The following DMD variants were observed in gnomAD, a reference collection of about 807,000 sequenced individuals.
The protein encoded by DMD is dystrophin.
In DMD, 63 loss-of-function variants were observed where a neutral mutation model predicts 330.1. The ratio of observed to expected loss-of-function variants is 0.19; its 90% CI spans 0.16 to 0.24. The LOEUF (loss-of-function observed/expected upper bound fraction) is 0.24, where lower values mean the gene tolerates loss of function less well. Among genes scored for constraint, DMD ranks in the 10% least tolerant of loss-of-function variants. DMD has a pLI of 1.00. For missense variants in DMD, 3,344 were observed against 2,684.1 expected (o/e 1.25, Z -5.43); for synonymous variants, 1,223 against 959.8 (o/e 1.27, Z -5.07).
chrX:33,133,774 A>G (rs1000834779), intron 1 of DMD, among the ~76,000 whole-genome samples: 8 of 112,056 alleles, frequency 7.1e-5, no homozygotes, highest in Non-Finnish European at 1.1e-4. Context: ...AGTTTCTACA[A>G]TCTCATCACT....
intron 7 of DMD, among the ~76,000 whole-genome samples, chrX:32,756,781 A>G (rs1334041060): frequency 8.9e-6 from 1 of 111,993 alleles, no homozygotes; most frequent in Non-Finnish European, 1.9e-5. Context: ...ACAATCAAGT[A>G]TATATCAAAC....
intron 11 of DMD, among the ~76,000 whole-genome samples, chrX:32,636,200 T>C (rs1797615859): frequency 1.8e-5 from 2 of 112,234 alleles, no homozygotes; most frequent in South Asian, 7.4e-4. Context: ...CAACACGAAG[T>C]ATGCTGACAT....
chrX:31,169,095 A>T (rs776792098), intron 74 of DMD, among the ~76,000 whole-genome samples: 10 of 111,697 alleles, frequency 9.0e-5, no homozygotes, highest in African/African-American at 3.2e-4. Context: ...AAACACATGT[A>T]AAAAAAATCA....
At chrX:32,692,962 G>C (rs1042713990) in intron 9 of DMD, among the ~76,000 whole-genome samples, 1 of 111,981 alleles carries the variant, frequency 8.9e-6, no homozygotes, top group African/African-American at 3.3e-5. Context: ...GTTAGAAACA[G>C]TTTCAATAAT....
rs1329990023 is a variant in DMD, at chrX:32,517,008, TAG to T, written c.2292+998_2292+999del. On this transcript the variant is annotated intron_variant, in intron 18 of 78. Transcript: ENST00000357033. The stretch of plus-strand genomic sequence containing the variant: ...TCCCTTTTTCAAGCAGCCTAAAAAA[TAG>T]ATTTTTTTTCCAGAATATATATATA... The T allele has an allele frequency of 1.2e-4, 13 of 111,378 alleles. No homozygotes were observed. The Admixed American group carries it at 1.2e-3, about 11-fold the overall frequency. The allele number at this position is 111,378 out of a possible 1,213,427, so 9.2% of individuals were successfully genotyped here.
At chrX:32,833,400 G>A (rs2079315887) in intron 4 of DMD, among the ~76,000 whole-genome samples, 1 of 110,192 alleles carries the variant, frequency 9.1e-6, no homozygotes, top group Admixed American at 9.8e-5. Context: ...CTGGTTGAAC[G>A]TATTAATAAA....
At chrX:32,006,546 G>A (rs1029557916) in intron 44 of DMD, among the ~76,000 whole-genome samples, 1 of 111,367 alleles carries the variant, frequency 9.0e-6, no homozygotes. Context: ...ATTTATAACC[G>A]TGAATACTTT....
At chrX:33,262,995 A>G (rs1223268909) in intron 1 of DMD, among the ~76,000 whole-genome samples, 3 of 110,787 alleles carry the variant, frequency 2.7e-5, no homozygotes, top group African/African-American at 9.8e-5. Context: ...ATACTCATCA[A>G]ATTGATAAAA....
intron 67 of DMD, among the ~76,000 whole-genome samples, chrX:31,186,260 C>T (rs1457847280): frequency 8.9e-6 from 1 of 111,949 alleles, no homozygotes; most frequent in Non-Finnish European, 1.9e-5. Context: ...TAAATGCCCA[C>T]CAATGGAAGA....
intron 77 of DMD, among the ~76,000 whole-genome samples, chrX:31,131,751 A>G (rs1031598010): frequency 8.9e-6 from 1 of 112,005 alleles, no homozygotes; most frequent in Middle Eastern, 4.6e-3. Context: ...TTAAAAAACA[A>G]AAGTGCTTTT....
intron 1 of DMD, among the ~76,000 whole-genome samples, chrX:33,200,530 C>T (rs1457012965): frequency 9.0e-6 from 1 of 110,964 alleles, no homozygotes; most frequent in Non-Finnish European, 1.9e-5. Flanking sequence ...TTCTTTTTTC[C>T]TAGAAAAGTG....
At position 32,452,304 on chromosome X, in the gene DMD, G is replaced by GGAAAGGGAAAGT. The variant is rs2098333231; in HGVS notation, c.3603+2357_3603+2358insACTTTCCCTTTC. 8.4e-5 allele frequency among the ~76,000 whole-genome samples: 2 copies of GGAAAGGGAAAGT among 23,792 alleles called. 1 individual carries two copies. Among genetic ancestry groups the GGAAAGGGAAAGT allele is most frequent in the Non-Finnish European group, 1.4e-4 (2 of 14,510 alleles). The allele number at this position is 23,792 out of a possible 115,157, so 20.7% of individuals were successfully genotyped here. ...AAAAGAAAGGAAAGGAAAAGGAAAG[G>GGAAAGGGAAAGT]GAAAGTGAAAGTGAAAGTGAAAGTG... On this transcript the variant is annotated intron_variant, in intron 26 of 78. Coordinates refer to ENST00000357033, the MANE Select transcript of DMD (RefSeq NM_004006.3).
chrX:33,312,263 C>T lies in DMD; in HGVS notation c.7+26996G>A, dbSNP rs751654601. Among the ~76,000 whole-genome samples the T allele has an allele frequency of 2.7e-5, 3 of 110,666 alleles. No homozygotes were observed. In the South Asian group the frequency reaches 1.1e-3, roughly 42 times the overall value. ...AGACTCAGATCAAAAATACAGTATT[C>T]GCAGAATGTGAAACCTACGTATATA... is the stretch of plus-strand genomic sequence containing the variant. On this transcript the variant is annotated intron_variant, in intron 1 of 17. Transcript: ENST00000288447.
chrX:33,035,020 AGT>A (rs936672041), intron 1 of DMD, among the ~76,000 whole-genome samples: 4 of 111,577 alleles, frequency 3.6e-5, no homozygotes, highest in African/African-American at 1.3e-4. Context: ...AAATTTTATG[AGT>A]GTGTATATAT....
chrX:32,013,175 C>G (rs185063895), intron 44 of DMD, among the ~76,000 whole-genome samples: 2 of 100,456 alleles, frequency 2.0e-5, no homozygotes, highest in Non-Finnish European at 3.9e-5. Flanking sequence ...CAACCTCCAC[C>G]TCCCAGGTTC....
rs1483944943 is a variant in DMD, at chrX:32,545,357, G to C, written c.1993-23C>G. ...AATCTGTGAGAAGTATTGAAACAGA[G>C]GTCAGACATTGCTAGAAAGACTTCA... On this transcript the variant is annotated intron_variant, in intron 16 of 78. Coordinates refer to ENST00000357033, the MANE Select transcript of DMD (RefSeq NM_004006.3). The C allele has an allele frequency of 6.7e-6, 8 of 1,197,959 alleles. No homozygotes were observed. In the Admixed American group the frequency reaches 1.5e-4, roughly 23 times the overall value.
At chrX:31,246,978 T>C (rs994789514) in intron 63 of DMD, among the ~76,000 whole-genome samples, 4 of 111,036 alleles carry the variant, frequency 3.6e-5, no homozygotes, top group Non-Finnish European at 3.8e-5. Flanking sequence ...CTGTGCTGTA[T>C]AAATGGAAAA....
chrX:32,313,833 C>T (rs1186212078), intron 41 of DMD, among the ~76,000 whole-genome samples: 1 of 111,043 alleles, frequency 9.0e-6, no homozygotes, highest in African/African-American at 3.3e-5. Flanking sequence ...AGGAATACAA[C>T]TTGCAAGGGA....
chrX:33,134,006 A>T (rs1799301004), intron 1 of DMD, among the ~76,000 whole-genome samples: 1 of 112,102 alleles, frequency 8.9e-6, no homozygotes, highest in African/African-American at 3.2e-5. Flanking sequence ...TTAGATGATT[A>T]GTGTTAATTT....
Sources: allele counts gnomAD v4.1 joint callset (sites outside exome capture counted in the v4.1 genomes callset), GRCh38; gene constraint gnomAD v4.1.1; transcripts MANE v1.5; gene names NCBI Gene and HGNC (gene_info 2026-07-23, HGNC 2026-07-21).